Variants in GYS2 observed in about 807,000 individuals in gnomAD.
GYS2 encodes glycogen synthase 2.
A neutral mutation model predicts 85.6 loss-of-function variants in GYS2; 80 were observed. The observed-to-expected ratio is 0.93, with a 90% CI of 0.78 to 1.13. GYS2 has a LOEUF of 1.13. GYS2 is among the 50% of genes most tolerant of loss of function. The pLI is 0.00. For synonymous variants in GYS2, 328 were observed against 300.7 expected (o/e 1.09, Z -0.94); for missense variants, 881 against 854.9 (o/e 1.03, Z -0.38).
intron 11 of GYS2, among the ~76,000 whole-genome samples, chr12:21,556,637 T>C (rs1326516024): frequency 1.3e-5 from 2 of 152,230 alleles, no homozygotes; most frequent in African/African-American, 2.4e-5. Flanking sequence ...TCAAACTCAA[T>C]TAATCAGAAA....
At chr12:21,574,457 A>G in intron 3 of GYS2, 131 bp from the exon 4 acceptor site, 1 of 693,910 alleles carries the variant, frequency 1.4e-6, no homozygotes, top group South Asian at 1.7e-5. Flanking sequence ...AACATAAAGC[A>G]TGAATATTTA....
At chr12:21,565,445 G>C (rs1944307855) in intron 5 of GYS2, among the ~76,000 whole-genome samples, 1 of 126,210 alleles carries the variant, frequency 7.9e-6, no homozygotes, top group African/African-American at 3.1e-5. Flanking sequence ...GGATGTTACT[G>C]CACCATTATA....
chr12:21,548,041 A>G (rs925918889), intron 11 of GYS2, among the ~76,000 whole-genome samples: 3 of 152,178 alleles, frequency 2.0e-5, no homozygotes, highest in East Asian at 3.8e-4. Context: ...TAACCAATTT[A>G]TGGTTTCAAT....
At chr12:21,593,033 G>A (rs200796209) in intron 1 of GYS2, among the ~76,000 whole-genome samples, 17 of 151,934 alleles carry the variant, frequency 1.1e-4, no homozygotes, top group East Asian at 3.9e-4. Flanking sequence ...CTGAATGAAC[G>A]TTATGTCAAG....
At chr12:21,547,814 T>G (rs1944059675) in intron 11 of GYS2, among the ~76,000 whole-genome samples, 1 of 152,090 alleles carries the variant, frequency 6.6e-6, no homozygotes, top group Non-Finnish European at 1.5e-5. Flanking sequence ...AATATACCAC[T>G]TTGGGGGATG....
intron 1 of GYS2, among the ~76,000 whole-genome samples, chr12:21,593,893 A>G (rs2048548621): frequency 6.6e-6 from 1 of 152,180 alleles, no homozygotes; most frequent in Non-Finnish European, 1.5e-5. Context: ...ATCCAACAGT[A>G]CATCCAAAAG....
At chr12:21,589,617 AG>A (rs1944612655) in intron 1 of GYS2, among the ~76,000 whole-genome samples, 1 of 152,180 alleles carries the variant, frequency 6.6e-6, no homozygotes, top group Non-Finnish European at 1.5e-5. Context: ...CCTACCCAGT[AG>A]GGATCCTCTG....
intron 3 of GYS2, 79 bp from the exon 4 acceptor site, chr12:21,574,405 G>T: frequency 9.5e-7 from 1 of 1,049,810 alleles, no homozygotes; most frequent in Non-Finnish European, 1.5e-6. Context: ...CATAAGTGGA[G>T]TTATGGTGTC....
At chr12:21,540,966 T>C (rs1943966508) in intron 13 of GYS2, among the ~76,000 whole-genome samples, 1 of 152,014 alleles carries the variant, frequency 6.6e-6, no homozygotes, top group Non-Finnish European at 1.5e-5. Context: ...AGAGCCACAG[T>C]ACACCCATAA....
chr12:21,602,646 T>G (rs1206001980), intron 1 of GYS2, among the ~76,000 whole-genome samples: 1 of 151,878 alleles, frequency 6.6e-6, no homozygotes. Context: ...AGGGAAATGA[T>G]AGAAAATAAG....
chr12:21,598,447 A>G (rs1465853261), intron 1 of GYS2, among the ~76,000 whole-genome samples: 1 of 151,954 alleles, frequency 6.6e-6, no homozygotes, highest in Non-Finnish European at 1.5e-5. Flanking sequence ...TTTTACTGCT[A>G]TTTCTTATAT....
Position 21,536,873 on chromosome 12 carries a change from G to T in GYS2, c.*81C>A, listed in dbSNP as rs142797571. On this transcript the variant is annotated 3_prime_UTR_variant, in exon 16 of 16. Transcript: ENST00000261195. Reference sequence around the variant, plus strand: ...ATTGTAATACTTAGAAGGAGAAAATGAAATTTGTGGCATTTTTATTTTAAA... The same window carrying T: ...ATTGTAATACTTAGAAGGAGAAAATTAAATTTGTGGCATTTTTATTTTAAA... 7.6e-4 allele frequency: 731 copies of T among 962,224 alleles called. 3 individuals carry two copies. The African/African-American group carries it at 0.011, about 15-fold the overall frequency. The allele number at this position is 962,224 out of a possible 1,614,324, so 59.6% of individuals were successfully genotyped here.
chr12:21,592,534 TAA>T (rs1015471146), intron 1 of GYS2, among the ~76,000 whole-genome samples: 23 of 152,076 alleles, frequency 1.5e-4, no homozygotes, highest in African/African-American at 4.3e-4. Context: ...TAAAAAACAC[TAA>T]GAGACAAAAG....
At chr12:21,540,370 T>A (rs769496992) in intron 14 of GYS2, 40 bp downstream of exon 14, 1 of 1,562,924 alleles carries the variant, frequency 6.4e-7, no homozygotes, top group African/African-American at 1.4e-5. Flanking sequence ...TCCAGTGGAA[T>A]TTTTTAAGTG....
intron 1 of GYS2, among the ~76,000 whole-genome samples, chr12:21,582,057 C>T (rs146032349): frequency 1.9e-4 from 28 of 151,012 alleles, no homozygotes; most frequent in East Asian, 1.4e-3. Flanking sequence ...ACAGAGTAAA[C>T]GGATAACCTA....
intron 11 of GYS2, 45 bp downstream of exon 11, chr12:21,558,155 A>G: frequency 9.2e-7 from 1 of 1,088,936 alleles, no homozygotes; most frequent in Non-Finnish European, 1.4e-6. Context: ...CAGAAAATAT[A>G]TTTTAAGTAA....
rs1322887844 is a variant in GYS2, at chr12:21,580,336, C to T, written c.303+6G>A. 1.9e-6 allele frequency: 3 copies of T among 1,612,110 alleles called. No individual in the cohort carries two copies. The highest frequency in any genetic ancestry group is 2.2e-5 in the East Asian group (1 of 44,874). On this transcript the variant is annotated splice_donor_region_variant and intron_variant, in intron 2 of 15. Coordinates refer to ENST00000261195, the MANE Select transcript of GYS2 (RefSeq NM_021957.4). Reference sequence around the variant, plus strand: ...GAATTGCCAAGTGAAGTGTCAGTTCCTTTACCTGGCAGCCATGCTTATTCA... The same window carrying T: ...GAATTGCCAAGTGAAGTGTCAGTTCTTTTACCTGGCAGCCATGCTTATTCA...
In GYS2 at chr12:21,559,104, A is replaced by T. The variant is rs2136874174; in HGVS notation, c.1295T>A (p.Ile432Asn). Residue 432 changes from isoleucine to asparagine, a missense_variant, in exon 10 of 16, where the codon ATC becomes AAC. Ile to Asn is a moderately radical substitution (Grantham distance 149). Coordinates refer to ENST00000261195, the MANE Select transcript of GYS2 (RefSeq NM_021957.4). ...RDDLTIMKRA[I>N]FSTQRQSLPP... ...TTTCCTTATTACCTGAGTTGAAAAG[A>T]TGGCTCTTTTCATAATTGTTAGATC... 11 of 1,599,520 alleles carry T rather than the reference A, an allele frequency of 6.9e-6. No homozygotes were observed. The highest frequency in any genetic ancestry group is 1.7e-4 in the Middle Eastern group (1 of 5,980).
chr12:21,547,582 C>T (rs1395366783), intron 11 of GYS2, among the ~76,000 whole-genome samples: 1 of 152,064 alleles, frequency 6.6e-6, no homozygotes. Flanking sequence ...AACTATGGAA[C>T]CAGTGAAAAG....
Sources: allele counts gnomAD v4.1 joint callset (sites outside exome capture counted in the v4.1 genomes callset), GRCh38; gene constraint gnomAD v4.1.1; transcripts MANE v1.5; gene names NCBI Gene and HGNC (gene_info 2026-07-23, HGNC 2026-07-21).